The following CNGB1 variants were observed in gnomAD, a reference collection of about 807,000 sequenced individuals.
CNGB1 encodes the protein cyclic nucleotide-gated channel beta-1.
CNGB1 carries 126 observed loss-of-function variants against 151.7 expected under a neutral mutation model. The ratio of observed to expected loss-of-function variants is 0.83; its 90% confidence interval spans 0.72 to 0.96. The LOEUF (loss-of-function observed/expected upper bound fraction) is 0.96. CNGB1 is among the 40% of genes least tolerant of loss of function. The pLI is 0.00. For synonymous variants in CNGB1, 623 were observed against 635.1 expected (o/e 0.98, Z 0.29); for missense variants, 1,698 against 1,627.0 (o/e 1.04, Z -0.75).
intron 32 of CNGB1, among the ~76,000 whole-genome samples, chr16:57,885,506 T>TTTCCTTCC (rs555069702): frequency 1.3e-5 from 2 of 149,614 alleles, no homozygotes; most frequent in African/African-American, 2.5e-5. Flanking sequence ...TCTTTCCTTC[T>TTTCCTTCC]TTCCTTCCTT....
At chr16:57,938,105 G>A (rs1187711795) in intron 16 of CNGB1, among the ~76,000 whole-genome samples, 1 of 152,188 alleles carries the variant, frequency 6.6e-6, no homozygotes, top group African/African-American at 2.4e-5. Flanking sequence ...GCTGGGTCTA[G>A]GTCCATACTT....
chr16:57,891,902 G>A (rs1431633195), intron 31 of CNGB1, among the ~76,000 whole-genome samples: 1 of 152,026 alleles, frequency 6.6e-6, no homozygotes, highest in African/African-American at 2.4e-5. Flanking sequence ...AACATTGAAC[G>A]CACAGCCAAC....
At chr16:57,930,393 G>A (rs1273286544) in intron 17 of CNGB1, among the ~76,000 whole-genome samples, 1 of 151,938 alleles carries the variant, frequency 6.6e-6, no homozygotes, top group African/African-American at 2.4e-5. Context: ...TACTCGAGAA[G>A]CTGAGAAGGG....
At chr16:57,954,959 C>A (rs373573765) in intron 12 of CNGB1, 2 of 1,095,830 alleles carry the variant, frequency 1.8e-6, no homozygotes, top group Non-Finnish European at 2.2e-6. Context: ...GTGTTGCCCA[C>A]GGTGGTCTCG....
intron 18 of CNGB1, among the ~76,000 whole-genome samples, chr16:57,922,840 G>A (rs1345039006): frequency 2.0e-5 from 3 of 151,694 alleles, no homozygotes; most frequent in South Asian, 2.1e-4. Context: ...CTGATCCAGC[G>A]CAGCCAGGTA....
At chr16:57,949,778 A>G (rs78061566) in intron 13 of CNGB1, among the ~76,000 whole-genome samples, 16 of 152,208 alleles carry the variant, frequency 1.1e-4, no homozygotes, top group Admixed American at 2.6e-4. Context: ...CTCTAGTAGG[A>G]ACAAAGATTG....
chr16:57,956,419 CCCACGCCTCT>C lies in CNGB1; in HGVS notation c.874+912_874+921del, dbSNP rs1378659981. Among the ~76,000 whole-genome samples the C allele has an allele frequency of 3.9e-5, 6 of 152,332 alleles. No homozygotes were observed. In the South Asian group the frequency reaches 8.3e-4, roughly 21 times the overall value. On this transcript the variant is annotated intron_variant, in intron 12 of 32. Coordinates refer to ENST00000251102, the MANE Select transcript of CNGB1 (RefSeq NM_001297.5). ...ATGATTACCATCAACCCTAACGCCCCCCACGCCTCTCCATCAGACCTGAGCTCCACAGTCC... is the reference window on the plus strand; with the variant it reads ...ATGATTACCATCAACCCTAACGCCCCCCATCAGACCTGAGCTCCACAGTCC...
intron 7 of CNGB1, 86 bp downstream of exon 7, chr16:57,962,479 G>T: frequency 8.1e-7 from 1 of 1,227,788 alleles, no homozygotes; most frequent in Non-Finnish European, 1.2e-6. Flanking sequence ...CCCTGAGGTG[G>T]TAACAGACCC....
At chr16:57,888,826 A>T (rs1199538290) in intron 31 of CNGB1, among the ~76,000 whole-genome samples, 2 of 152,140 alleles carry the variant, frequency 1.3e-5, no homozygotes, top group Non-Finnish European at 2.9e-5. Flanking sequence ...TGGGAATAAG[A>T]TGCCCAGGTG....
At chr16:57,920,582 G>T (rs370591787) in intron 18 of CNGB1, 38 bp from the exon 19 acceptor site, 17 of 1,605,336 alleles carry the variant, frequency 1.1e-5, no homozygotes, top group Non-Finnish European at 1.4e-5. Context: ...AGGCTGAGCC[G>T]GGAGGGACCT....
chr16:57,923,120 C>A, intron 18 of CNGB1, 153 bp downstream of exon 18: 1 of 555,854 alleles, frequency 1.8e-6, no homozygotes, highest in South Asian at 1.9e-5. Flanking sequence ...CAGAAGCAGC[C>A]TGGGCAGGCG....
Position 57,883,841 on chromosome 16 carries a change from A to G in CNGB1, c.*323T>C, listed in dbSNP as rs1959821969. ...GTATTGGAGCCTCATTTTATCCCTC[A>G]CCCATGAACTTTAAAAGTGGAAAAT... is the stretch of plus-strand genomic sequence containing the variant. On this transcript the variant is annotated 3_prime_UTR_variant, in exon 33 of 33. Transcript: ENST00000251102. 7 of 461,988 alleles carry G rather than the reference A, an allele frequency of 1.5e-5. No homozygotes were observed. In the South Asian group the frequency reaches 1.7e-4, roughly 11 times the overall value. 28.6% of individuals were successfully genotyped at this position (461,988 alleles called of 1,614,324 possible).
intron 31 of CNGB1, among the ~76,000 whole-genome samples, chr16:57,897,039 C>G (rs556690573): frequency 1.9e-3 from 287 of 152,216 alleles, no homozygotes; most frequent in African/African-American, 6.6e-3. Flanking sequence ...CGCAGTGGCT[C>G]ACACCTGTAA....
At chr16:57,913,054 C>T (rs1037768734) in intron 23 of CNGB1, 60 bp from the exon 24 acceptor site, 156 of 1,534,224 alleles carry the variant, frequency 1.0e-4, no homozygotes, top group East Asian at 3.6e-4. Context: ...GCTGCTCCCA[C>T]GCCCACGGGC....
Position 57,939,463 on chromosome 16 carries a change from G to A in CNGB1, c.1339C>T (p.Pro447Ser), listed in dbSNP as rs771880157. 6.2e-7 allele frequency: 1 copy of A among 1,614,056 alleles called. No homozygotes were observed. The highest frequency in any genetic ancestry group is 8.5e-7 in the Non-Finnish European group (1 of 1,180,000). The change falls in exon 16 of 33, where the codon CCT (proline) becomes TCT (serine). Residue 447 changes from proline to serine, a missense_variant. Transcript: ENST00000251102. ...CTGGCAGCCTCGGCCTCAGCCTCAG[G>A]CTCCTCCTTGGTCTCCGCCCAGTCC... Reference protein sequence around the residue: ...PQDWAETKEEPEAEAEAASSG... With the variant: ...PQDWAETKEESEAEAEAASSG...
At chr16:57,926,663 A>G (rs1362372822) in intron 17 of CNGB1, among the ~76,000 whole-genome samples, 4 of 152,184 alleles carry the variant, frequency 2.6e-5, no homozygotes, top group Non-Finnish European at 5.9e-5. Context: ...TGCCCAGCAC[A>G]GGGCACTCTC....
Position 57,960,852 on chromosome 16 carries a change from G to A in CNGB1, c.522C>T (p.Pro174=), listed in dbSNP as rs1439592662. The A allele has an allele frequency of 4.3e-6, 7 of 1,613,816 alleles. No homozygotes were observed. Among genetic ancestry groups the A allele is most frequent in the Non-Finnish European group, 5.9e-6 (7 of 1,179,842 alleles). The part of the protein sequence containing the change: ...QNLERVLPQP[P]KSSEVWRDEP... ...TTCCTTGGCTCACCTCAGAGGATTT[G>A]GGGGGCTGAGGAAGCACTCTTTCCA... is the stretch of plus-strand genomic sequence containing the variant. The change falls in exon 8 of 33, where the codon CCC becomes CCT. Residue 174 remains proline (P), a synonymous_variant. Coordinates refer to ENST00000251102, the MANE Select transcript of CNGB1 (RefSeq NM_001297.5).
chr16:57,888,180 T>G (rs11864445), intron 31 of CNGB1, 106 bp from the exon 32 acceptor site: 106,131 of 1,232,150 alleles, frequency 0.086, 5,424 homozygotes, highest in African/African-American at 0.21. Context: ...GGTGGTGATT[T>G]TGGCTGGTGA....
intron 6 of CNGB1, 102 bp from the exon 7 acceptor site, chr16:57,962,712 G>A: frequency 6.4e-7 from 1 of 1,567,412 alleles, no homozygotes; most frequent in East Asian, 2.2e-5. Context: ...TCAACCCCAG[G>A]TTCAAAGCAG....
Sources: allele counts gnomAD v4.1 joint callset (sites outside exome capture counted in the v4.1 genomes callset), GRCh38; gene constraint gnomAD v4.1.1; transcripts MANE v1.5; gene names NCBI Gene and HGNC (gene_info 2026-07-23, HGNC 2026-07-21).